The following MCPH1 variants were observed in gnomAD, a reference collection of about 807,000 sequenced individuals.
MCPH1 encodes microcephalin 1.
A neutral mutation model predicts 84.5 loss-of-function variants in MCPH1; 104 were observed. The observed-to-expected ratio is 1.23, with a 90% CI of 1.05 to 1.45. The LOEUF (loss-of-function observed/expected upper bound fraction) is 1.45, where lower values mean the gene tolerates loss of function less well. Among genes scored for constraint, MCPH1 ranks in the 40% most tolerant of loss-of-function variants. MCPH1 has a pLI of 0.00. For synonymous variants in MCPH1, 514 were observed against 366.8 expected, an observed-to-expected ratio of 1.40 and a Z score of -4.58; for missense variants, 1,498 against 1,005.7, an observed-to-expected ratio of 1.49 and a Z score of -6.62.
intron 3 of MCPH1, among the ~76,000 whole-genome samples, chr8:6,422,584 C>T (rs746517541): frequency 3.4e-4 from 51 of 152,174 alleles, no homozygotes; most frequent in Non-Finnish European, 5.9e-4. Flanking sequence ...CATTCTCTAT[C>T]CCCTTTCTCT....
intron 13 of MCPH1, chr8:6,627,130 T>A: frequency 1.0e-6 from 1 of 984,132 alleles, no homozygotes; most frequent in Non-Finnish European, 1.2e-6. Flanking sequence ...CATTCATCGT[T>A]TCCCCTAATG....
Position 6,621,522 on chromosome 8 carries a change from G to A in MCPH1, c.2283G>A (p.Ala761=). 6.2e-7 allele frequency: 1 copy of A among 1,614,150 alleles called. No homozygotes were observed. The highest frequency in any genetic ancestry group is 8.5e-7 in the Non-Finnish European group (1 of 1,180,016). The change falls in exon 13 of 14, where the codon GCG becomes GCA. Residue 761 remains alanine (A), a synonymous_variant. Transcript: ENST00000344683. ...GAACCCTCTTTGCCGACCAGCCAGC[G>A]ATGTTTGTCTCGCCTGCCAGCAGCC... The part of the protein sequence containing the change: ...YRGTLFADQP[A]MFVSPASSPP...
chr8:6,505,271 T>TA (rs1460837019), intron 12 of MCPH1, among the ~76,000 whole-genome samples: 4,571 of 33,594 alleles, frequency 0.14, 899 homozygotes, highest in East Asian at 0.35. Context: ...TTTATATATA[T>TA]GTATACATAT....
intron 13 of MCPH1, among the ~76,000 whole-genome samples, chr8:6,623,688 CAAAAAAAAA>C (rs377522481): frequency 0.03 from 2,802 of 92,348 alleles, 152 homozygotes; most frequent in African/African-American, 0.11. Flanking sequence ...AACCAACTTC[CAAAAAAAAA>C]AAAAAAAAAA....
chr8:6,519,792 T>G, intron 12 of MCPH1: 1 of 1,552,164 alleles, frequency 6.4e-7, no homozygotes. Context: ...AGACTTCTGC[T>G]CTCTGGTTCC....
rs546705142 is a variant in MCPH1, at chr8:6,631,654, T to TAA, written c.2452+9976_2452+9977dup. On this transcript the variant is annotated intron_variant, in intron 13 of 13. Transcript: ENST00000344683. The stretch of plus-strand genomic sequence containing the variant: ...CTCACACCCATTATGATTGCTACTA[T>TAA]AAAAAAAAAAAAAACCCAGAAAATA... Among the ~76,000 whole-genome samples the TAA allele has an allele frequency of 6.8e-3, 920 of 134,450 alleles. 8 individuals are homozygous for TAA. The highest frequency in any genetic ancestry group is 0.021 in the African/African-American group (782 of 36,694). 88.2% of individuals were successfully genotyped at this position (134,450 alleles called of 152,430 possible). A position where few individuals can be genotyped will look rare whatever the true frequency, so the allele number is the denominator to read the frequency against.
intron 8 of MCPH1, among the ~76,000 whole-genome samples, chr8:6,448,477 A>C (rs907963446): frequency 1.3e-5 from 2 of 152,186 alleles, no homozygotes; most frequent in African/African-American, 4.8e-5. Context: ...TGTGATGAGA[A>C]GCCATTGGGG....
intron 12 of MCPH1, among the ~76,000 whole-genome samples, chr8:6,574,672 T>C (rs1460113451): frequency 1.3e-5 from 2 of 152,196 alleles, no homozygotes; most frequent in Non-Finnish European, 1.5e-5. Context: ...TTCAGAGTCA[T>C]GTTTAACAAG....
At chr8:6,576,602 G>A (rs905285747) in intron 12 of MCPH1, among the ~76,000 whole-genome samples, 8 of 141,952 alleles carry the variant, frequency 5.6e-5, no homozygotes, top group Non-Finnish European at 1.1e-4. Flanking sequence ...TCCACCTCCC[G>A]GGTCAAGCGA....
At chr8:6,618,814 A>C (rs1323518476) in intron 12 of MCPH1, 1 of 152,204 alleles carries the variant, frequency 6.6e-6, no homozygotes, top group East Asian at 1.9e-4. Context: ...GAACAAAATA[A>C]AGGATGATTT....
chr8:6,497,782 A>G (rs7834311), intron 11 of MCPH1, among the ~76,000 whole-genome samples: 3,985 of 152,304 alleles, frequency 0.026, 60 homozygotes, highest in Non-Finnish European at 0.039. Flanking sequence ...TTAAAAATAC[A>G]AATACAGAAA....
intron 13 of MCPH1, among the ~76,000 whole-genome samples, chr8:6,633,026 A>G (rs1797281351): frequency 6.6e-6 from 1 of 151,426 alleles, no homozygotes; most frequent in Non-Finnish European, 1.5e-5. Context: ...AATGATTTAA[A>G]AAAAAAAAAA....
At chr8:6,608,942 C>T (rs145057670) in intron 12 of MCPH1, among the ~76,000 whole-genome samples, 23 of 152,260 alleles carry the variant, frequency 1.5e-4, no homozygotes, top group African/African-American at 3.9e-4. Flanking sequence ...GCTTCCCAGG[C>T]GATGAGAATG....
intron 13 of MCPH1, chr8:6,624,962 A>C (rs1464357123): frequency 1.5e-6 from 1 of 684,978 alleles, no homozygotes; most frequent in African/African-American, 2.0e-5. Flanking sequence ...TGCAACCTTC[A>C]CCTCCTGGGT....
chr8:6,413,120 G>A (rs117432104), intron 2 of MCPH1, among the ~76,000 whole-genome samples: 2 of 152,176 alleles, frequency 1.3e-5, no homozygotes, highest in African/African-American at 4.8e-5. Context: ...CACCATGAGT[G>A]TCTGAGCATG....
chr8:6,514,651 T>C (rs2979671), intron 12 of MCPH1: 592,310 of 1,593,554 alleles, frequency 0.37, 111,897 homozygotes, highest in Middle Eastern at 0.46. Flanking sequence ...GAAATTCTTT[T>C]CTGATGCCTT....
At chr8:6,621,820 G>C in intron 13 of MCPH1, 129 bp downstream of exon 13, 1 of 1,242,276 alleles carries the variant, frequency 8.0e-7, no homozygotes, top group Non-Finnish European at 1.2e-6. Context: ...TCAGCCTCCA[G>C]CATCTGCCCT....
At chr8:6,608,620 C>G (rs1164729600) in intron 12 of MCPH1, among the ~76,000 whole-genome samples, 1 of 152,160 alleles carries the variant, frequency 6.6e-6, no homozygotes, top group East Asian at 1.9e-4. Context: ...CTCATTCGGT[C>G]CTTTGCTGTC....
chr8:6,614,495 C>A (rs972810781), intron 12 of MCPH1, among the ~76,000 whole-genome samples: 2 of 152,236 alleles, frequency 1.3e-5, no homozygotes, highest in African/African-American at 4.8e-5. Context: ...TCCCTCCCTG[C>A]GTGGAGGCAG....
Sources: gnomAD v4.1 joint callset for allele counts (sites outside exome capture counted in the v4.1 genomes callset) on GRCh38, gnomAD v4.1.1 for gene constraint, MANE v1.5 for transcripts, NCBI Gene and HGNC (gene_info 2026-07-23, HGNC 2026-07-21) for gene names.